Variants in PON2 observed in about 807,000 individuals in gnomAD.
PON2 encodes the protein serum paraoxonase/arylesterase 2.
Under a neutral mutation model 36.6 loss-of-function variants are expected in PON2, and 27 were observed. The observed-to-expected ratio is 0.74, with a 90% confidence interval of 0.54 to 1.02. The LOEUF (loss-of-function observed/expected upper bound fraction) is 1.02, where lower values mean the gene tolerates loss of function less well. Among genes scored for constraint, PON2 ranks in the 50% least tolerant of loss-of-function variants. The pLI is 0.00. For missense variants in PON2, 363 were observed against 421.1 expected (o/e 0.86, Z 1.21); for synonymous variants, 149 against 156.3 (o/e 0.95, Z 0.35).
intron 3 of PON2, 97 bp downstream of exon 3, chr7:95,416,145 G>A: frequency 6.3e-7 from 1 of 1,580,598 alleles, no homozygotes; most frequent in South Asian, 1.1e-5. Context: ...AATGCATTTT[G>A]GAAAATGAAT....
At position 95,435,027 on chromosome 7, in the gene PON2, AT is replaced by A. The variant is rs1179668804; in HGVS notation, c.-77del. 1.4e-6 allele frequency: 2 copies of A among 1,405,964 alleles called. No individual in the cohort carries two copies. Among genetic ancestry groups the A allele is most frequent in the Non-Finnish European group, 1.9e-6 (2 of 1,068,686 alleles). The allele number at this position is 1,405,964 out of a possible 1,614,324, so 87.1% of individuals were successfully genotyped here. A position where few individuals can be genotyped will look rare whatever the true frequency, so the allele number is the denominator to read the frequency against. ...TGGGCGGTGCCATCTTCCCGGCTCGATGGTGCCGGCCGCGCTCCGCCCCGTC... is the reference window on the plus strand; with the variant it reads ...TGGGCGGTGCCATCTTCCCGGCTCGAGGTGCCGGCCGCGCTCCGCCCCGTC... On this transcript the variant is annotated 5_prime_UTR_variant, in exon 1 of 9. Coordinates refer to ENST00000222572, the MANE Select transcript of PON2 (RefSeq NM_000305.3).
chr7:95,412,199 C>A, intron 4 of PON2, 113 bp downstream of exon 4: 1 of 1,371,328 alleles, frequency 7.3e-7, no homozygotes, highest in Non-Finnish European at 1.0e-6. Flanking sequence ...ATACAGAAAT[C>A]ACTCATGAGT....
chr7:95,417,739 C>T (rs1405666666), intron 2 of PON2, among the ~76,000 whole-genome samples: 2 of 107,428 alleles, frequency 1.9e-5, no homozygotes, highest in Non-Finnish European at 4.1e-5. Context: ...AGAGAGAATT[C>T]TAGTCCAGGT....
chr7:95,406,168 T>C lies in PON2; in HGVS notation c.857A>G (p.Asn286Ser). ...SGDIWVGCHP[N>S]GQKLFVYDPN... Reference sequence around the variant, plus strand: ...GTCATACACGAAGAGCTTCTGGCCATTAGGATGACAGCCTACCCAGATGTC... The same window carrying C: ...GTCATACACGAAGAGCTTCTGGCCACTAGGATGACAGCCTACCCAGATGTC... Residue 286 changes from asparagine to serine, a missense_variant, in exon 8 of 9, where the codon AAT becomes AGT. Asn to Ser is a conservative substitution (Grantham distance 46, BLOSUM62 1). Coordinates refer to ENST00000222572, the MANE Select transcript of PON2 (RefSeq NM_000305.3). 4 of 1,613,764 alleles carry C rather than the reference T, an allele frequency of 2.5e-6. No individual in the cohort carries two copies. Among genetic ancestry groups the C allele is most frequent in the Non-Finnish European group, 2.5e-6 (3 of 1,179,700 alleles).
At chr7:95,419,767 C>T (rs1789151691) in intron 2 of PON2, among the ~76,000 whole-genome samples, 1 of 152,132 alleles carries the variant, frequency 6.6e-6, no homozygotes, top group African/African-American at 2.4e-5. Context: ...AAGCAGAGTT[C>T]TAGTCTTAGA....
intron 5 of PON2, among the ~76,000 whole-genome samples, chr7:95,410,593 A>C (rs2116460234): frequency 6.6e-6 from 1 of 152,342 alleles, no homozygotes; most frequent in Non-Finnish European, 1.5e-5. Context: ...TACCTGCTTC[A>C]CAAAGCTGAC....
At chr7:95,423,870 G>T (rs1328949042) in intron 2 of PON2, among the ~76,000 whole-genome samples, 2 of 152,062 alleles carry the variant, frequency 1.3e-5, no homozygotes, top group African/African-American at 4.8e-5. Context: ...TCTTCACATG[G>T]CGGCAGCAAG....
In PON2 at chr7:95,412,293, G is replaced by T; in HGVS notation, c.367+19C>A. 1 of 1,613,630 alleles carries T rather than the reference G, an allele frequency of 6.2e-7. No homozygotes were observed. The highest frequency in any genetic ancestry group is 8.5e-7 in the Non-Finnish European group (1 of 1,179,608). ...AACCATCACACGTTACTAAATGTTGGTAGCCCATTGGCTCTTACCGTTGTC... is the reference window on the plus strand; with the variant it reads ...AACCATCACACGTTACTAAATGTTGTTAGCCCATTGGCTCTTACCGTTGTC... On this transcript the variant is annotated intron_variant, in intron 4 of 8. Coordinates refer to ENST00000222572, the MANE Select transcript of PON2 (RefSeq NM_000305.3).
intron 1 of PON2, among the ~76,000 whole-genome samples, chr7:95,430,899 T>TAAA (rs11413689): frequency 1.4e-4 from 20 of 143,868 alleles, no homozygotes; most frequent in African/African-American, 4.9e-4. Flanking sequence ...GATGGTGGTT[T>TAAA]AAAAAAAAAA....
At chr7:95,406,357 C>T in intron 7 of PON2, 110 bp from the exon 8 acceptor site, 2 of 1,195,670 alleles carry the variant, frequency 1.7e-6, no homozygotes, top group Non-Finnish European at 2.4e-6. Flanking sequence ...CATCGCCCTG[C>T]TTCCACCTTC....
chr7:95,434,841 G>C (rs761392528), intron 1 of PON2, 37 bp downstream of exon 1: 10 of 1,533,094 alleles, frequency 6.5e-6, no homozygotes, highest in Non-Finnish European at 8.7e-6. Flanking sequence ...CCGAGCCTGG[G>C]GACCGCCGAG....
At chr7:95,427,340 C>CCTTTCTTT (rs1175639586) in intron 1 of PON2, among the ~76,000 whole-genome samples, 1 of 152,128 alleles carries the variant, frequency 6.6e-6, no homozygotes, top group Non-Finnish European at 1.5e-5. Context: ...TGCCCAACCC[C>CCTTTCTTT]CTTTCTTTCT....
intron 6 of PON2, among the ~76,000 whole-genome samples, chr7:95,407,866 GT>G (rs926389369): frequency 2.4e-4 from 37 of 152,190 alleles, no homozygotes; most frequent in African/African-American, 8.7e-4. Flanking sequence ...CAGTGGCTGT[GT>G]AAAGAGAGAT....
In PON2 at chr7:95,406,486, A is replaced by G. The variant is rs568221049; in HGVS notation, c.778-239T>C. ...GTCTCTGTAAAAATCTATCTTAAAAACTGAACTCCTTTTCCTTTAAAAGAT... is the reference window on the plus strand; with the variant it reads ...GTCTCTGTAAAAATCTATCTTAAAAGCTGAACTCCTTTTCCTTTAAAAGAT... On this transcript the variant is annotated intron_variant, in intron 7 of 8. Coordinates refer to ENST00000222572, the MANE Select transcript of PON2 (RefSeq NM_000305.3). Among the ~76,000 whole-genome samples the G allele has an allele frequency of 2.6e-5, 4 of 152,298 alleles. No individual in the cohort carries two copies. In the South Asian group the frequency reaches 8.3e-4, roughly 32 times the overall value.
At position 95,406,109 on chromosome 7, in the gene PON2, A is replaced by C. The variant is rs752168851; in HGVS notation, c.906+10T>G. ...AATAATTAAGTTTAAAAAACTGAAA[A>C]TATAAAAACCTCTGACGAGGGAGGA... is the stretch of plus-strand genomic sequence containing the variant. On this transcript the variant is annotated intron_variant, in intron 8 of 8. Transcript: ENST00000222572. 6.2e-7 allele frequency: 1 copy of C among 1,612,858 alleles called. No individual in the cohort carries two copies. The highest frequency in any genetic ancestry group is 1.1e-5 in the South Asian group (1 of 90,928).
intron 1 of PON2, among the ~76,000 whole-genome samples, chr7:95,430,319 T>G (rs1053842257): frequency 1.3e-5 from 2 of 149,362 alleles, no homozygotes; most frequent in African/African-American, 2.4e-5. Flanking sequence ...ATTTTTTTGT[T>G]TTTTTTTTTT....
intron 3 of PON2, among the ~76,000 whole-genome samples, chr7:95,414,268 T>C (rs1310447709): frequency 1.3e-5 from 2 of 152,156 alleles, no homozygotes; most frequent in East Asian, 3.9e-4. Context: ...GGAAGAAGAA[T>C]GAACAACCTC....
At position 95,424,875 on chromosome 7, in the gene PON2, G is replaced by A. The variant is rs1789279840; in HGVS notation, c.75-290C>T. Among the ~76,000 whole-genome samples, 3 of 152,004 alleles carry A rather than the reference G, an allele frequency of 2.0e-5. No individual in the cohort carries two copies. In the South Asian group the frequency reaches 6.2e-4, roughly 32 times the overall value. ...TTATAATGCAAGTTCCTATGCAAAT[G>A]TAAACACAGCACCATGTCACATTTC... On this transcript the variant is annotated intron_variant, in intron 1 of 8. Coordinates refer to ENST00000222572, the MANE Select transcript of PON2 (RefSeq NM_000305.3).
chr7:95,429,934 G>A (rs1436785647), intron 1 of PON2, among the ~76,000 whole-genome samples: 3 of 152,084 alleles, frequency 2.0e-5, no homozygotes, highest in Admixed American at 2.0e-4. Flanking sequence ...TGGGGAGCTG[G>A]GGCAAACTGT....
Sources: gnomAD v4.1 joint callset for allele counts (sites outside exome capture counted in the v4.1 genomes callset) on GRCh38, gnomAD v4.1.1 for gene constraint, MANE v1.5 for transcripts, NCBI Gene and HGNC (gene_info 2026-07-23, HGNC 2026-07-21) for gene names.